CCDC110: variants seen among roughly 807,000 people sequenced by gnomAD.
CCDC110 encodes coiled-coil domain-containing protein 110.
CCDC110 carries 70 observed loss-of-function variants against 77.1 expected under a neutral mutation model. The observed-to-expected ratio is 0.91, with a 90% confidence interval of 0.75 to 1.11. CCDC110 has a LOEUF of 1.11. Among genes scored for constraint, CCDC110 ranks in the 50% least tolerant of loss-of-function variants. The pLI, the probability that CCDC110 is intolerant of heterozygous loss-of-function variation, is 0.00. For synonymous variants in CCDC110, 295 were observed against 312.5 expected (o/e 0.94, Z 0.59); for missense variants, 868 against 942.9 (o/e 0.92, Z 1.04).
At chr4:185,464,658 C>T (rs1049156075) in intron 2 of CCDC110, among the ~76,000 whole-genome samples, 4 of 152,030 alleles carry the variant, frequency 2.6e-5, no homozygotes, top group African/African-American at 9.7e-5. Flanking sequence ...ATCCTGCCAC[C>T]CACAACGAAC....
chr4:185,456,885 A>G (rs2095636725), intron 6 of CCDC110, among the ~76,000 whole-genome samples: 1 of 152,208 alleles, frequency 6.6e-6, no homozygotes, highest in South Asian at 2.1e-4. Flanking sequence ...ATCCTACACA[A>G]ATTCAGAAAA....
intron 6 of CCDC110, among the ~76,000 whole-genome samples, chr4:185,456,917 C>T (rs760921065): frequency 5.5e-4 from 84 of 152,148 alleles, no homozygotes; most frequent in Admixed American, 1.6e-3. Flanking sequence ...AAACACTTCC[C>T]AACAGGATTT....
Position 185,445,434 on chromosome 4 carries a change from G to T in CCDC110, c.*68C>A. 9.0e-7 allele frequency: 1 copy of T among 1,108,802 alleles called. No homozygotes were observed. Among genetic ancestry groups the T allele is most frequent in the Non-Finnish European group, 1.3e-6 (1 of 743,428 alleles). The allele number at this position is 1,108,802 out of a possible 1,614,324, so 68.7% of individuals were successfully genotyped here. A position where few individuals can be genotyped will look rare whatever the true frequency, so the allele number is the denominator to read the frequency against. On this transcript the variant is annotated 3_prime_UTR_variant, in exon 7 of 7. Coordinates refer to ENST00000307588, the MANE Select transcript of CCDC110 (RefSeq NM_152775.4). ...ATTTGAGATGAGTTAGATATGCATA[G>T]TTCAGTTAGCAGTACAATTAACATT...
intron 2 of CCDC110, among the ~76,000 whole-genome samples, chr4:185,464,719 T>C (rs2095652423): frequency 6.6e-6 from 1 of 152,210 alleles, no homozygotes; most frequent in African/African-American, 2.4e-5. Flanking sequence ...TGCACATAAG[T>C]GGATGAAGTG....
At chr4:185,467,826 A>T (rs1009522177) in intron 2 of CCDC110, among the ~76,000 whole-genome samples, 2 of 152,176 alleles carry the variant, frequency 1.3e-5, no homozygotes, top group East Asian at 3.9e-4. Context: ...AAGCTTTGTA[A>T]TTCTTAGTTT....
intron 6 of CCDC110, among the ~76,000 whole-genome samples, chr4:185,446,786 A>T (rs558231893): frequency 2.0e-5 from 3 of 152,058 alleles, no homozygotes; most frequent in African/African-American, 4.8e-5. Flanking sequence ...TGTTTTCTAT[A>T]AAAAAAATTG....
At chr4:185,449,957 G>A (rs561874665) in intron 6 of CCDC110, 2 of 207,922 alleles carry the variant, frequency 9.6e-6, no homozygotes, top group Middle Eastern at 1.8e-3. Context: ...AGCGTTGGAG[G>A]GGAGGAGCGG....
In CCDC110 at chr4:185,468,773, T is replaced by TC. The variant is rs368043163; in HGVS notation, c.115+2171dup. Reference sequence around the variant, plus strand: ...CCACCTCTGCCACTCCAAATATTCCTCCCCCCCTTCTCAGCCTTATGTTCT... The same window carrying TC: ...CCACCTCTGCCACTCCAAATATTCCTCCCCCCCCTTCTCAGCCTTATGTTCT... On this transcript the variant is annotated intron_variant, in intron 2 of 6. Coordinates refer to ENST00000307588, the MANE Select transcript of CCDC110 (RefSeq NM_152775.4). The surrounding 1 kb of genome is among the most constrained non-coding windows in gnomAD (Gnocchi z 4.5). Among the ~76,000 whole-genome samples the TC allele has an allele frequency of 7.9e-5, 12 of 151,716 alleles. No individual in the cohort carries two copies. Among genetic ancestry groups the TC allele is most frequent in the South Asian group, 4.2e-4 (2 of 4,802 alleles).
At chr4:185,470,800 G>C in intron 2 of CCDC110, 145 bp downstream of exon 2, 1 of 746,416 alleles carries the variant, frequency 1.3e-6, no homozygotes, top group Non-Finnish European at 2.5e-6. Context: ...GCTTAGAACA[G>C]CACTGGCACA....
At chr4:185,449,793 A>C in intron 6 of CCDC110, 1 of 514,126 alleles carries the variant, frequency 1.9e-6, no homozygotes, top group South Asian at 3.6e-5. Context: ...CCTTATTTTA[A>C]TACTACTAGT....
rs1264464413 is a variant in CCDC110 at position 185,458,235 on chromosome 4, G to A, written c.2352C>T (p.Asp784=). The part of the protein sequence containing the change: ...LSDKICNQHN[D]PSKTTYISRR... ...TTGAAATGTAAGTTGTTTTTGAAGG[G>A]TCATTATGCTGATTACAAATTTTAT... Residue 784 remains aspartate, a synonymous_variant, in exon 6 of 7, where the codon GAC becomes GAT. Transcript: ENST00000307588. 1 of 1,602,868 alleles carries A rather than the reference G, an allele frequency of 6.2e-7. No homozygotes were observed. The highest frequency in any genetic ancestry group is 1.3e-5 in the African/African-American group (1 of 74,304).
At chr4:185,462,816 C>A in intron 3 of CCDC110, 108 bp from the exon 4 acceptor site, 1 of 1,087,530 alleles carries the variant, frequency 9.2e-7, no homozygotes. Context: ...TGAAAAGATC[C>A]CGTGAGGGTC....
rs552909236 is a variant in CCDC110 at position 185,450,229 on chromosome 4, C to T, written c.2462-4687G>A. On this transcript the variant is annotated intron_variant, in intron 6 of 6. Transcript: ENST00000307588. ...AAGCATCAGGTTATTTAGCCAATGG[C>T]AGCCCCAAGATGAGTTTGAGGGGTT... Among the ~76,000 whole-genome samples the T allele has an allele frequency of 5.9e-5, 9 of 152,294 alleles. No homozygotes were observed. In the East Asian group the frequency reaches 1.7e-3, roughly 29 times the overall value.
chr4:185,470,781 C>T (rs1352777368), intron 2 of CCDC110, 164 bp downstream of exon 2: 3 of 716,024 alleles, frequency 4.2e-6, no homozygotes, highest in East Asian at 5.2e-5. Context: ...AACAGTTGAT[C>T]CATTACGTGC....
chr4:185,447,471 C>T (rs563672888), intron 6 of CCDC110, among the ~76,000 whole-genome samples: 57 of 152,324 alleles, frequency 3.7e-4, no homozygotes, highest in African/African-American at 1.3e-3. Flanking sequence ...TGATCCACCA[C>T]GCCCGGCCGA....
chr4:185,463,352 C>A (rs966911947), intron 2 of CCDC110, among the ~76,000 whole-genome samples: 4 of 151,910 alleles, frequency 2.6e-5, no homozygotes, highest in Admixed American at 6.6e-5. Context: ...AAACTGCATT[C>A]AAAAAAAACC....
At position 185,451,238 on chromosome 4, in the gene CCDC110, T is replaced by C. The variant is rs544652965; in HGVS notation, c.2462-5696A>G. 4.0e-4 allele frequency among the ~76,000 whole-genome samples: 61 copies of C among 152,252 alleles called. No individual in the cohort carries two copies. The South Asian group carries it at 8.9e-3, about 22-fold the overall frequency. Reference sequence around the variant, plus strand: ...TAAACCTCTTTTTCTTTATAAATTATCCAGTCTTGGGTATGTCTTTATCAG... The same window carrying C: ...TAAACCTCTTTTTCTTTATAAATTACCCAGTCTTGGGTATGTCTTTATCAG... On this transcript the variant is annotated intron_variant, in intron 6 of 6. Coordinates refer to ENST00000307588, the MANE Select transcript of CCDC110 (RefSeq NM_152775.4).
chr4:185,450,278 A>G (rs931577541), intron 6 of CCDC110, among the ~76,000 whole-genome samples: 10 of 152,150 alleles, frequency 6.6e-5, no homozygotes, highest in Non-Finnish European at 1.0e-4. Flanking sequence ...TTGTTAGTTG[A>G]GTATCTTATA....
At chr4:185,462,824 G>C (rs1020503252) in intron 3 of CCDC110, 116 bp from the exon 4 acceptor site, 1 of 1,054,294 alleles carries the variant, frequency 9.5e-7, no homozygotes, top group Non-Finnish European at 1.5e-6. Flanking sequence ...TCCCGTGAGG[G>C]TCAGGTGGTT....
Sources: gnomAD v4.1 joint callset for allele counts (sites outside exome capture counted in the v4.1 genomes callset) on GRCh38, gnomAD v4.1.1 for gene constraint, Gnocchi (gnomAD v3.1) non-coding constraint, MANE v1.5 for transcripts, NCBI Gene and HGNC (gene_info 2026-07-23, HGNC 2026-07-21) for gene names.